Variants in DNAH6 observed in about 807,000 individuals in gnomAD.
DNAH6 encodes the protein dynein axonemal heavy chain 6.
A neutral mutation model predicts 491.4 loss-of-function variants in DNAH6; 340 were observed. The observed-to-expected ratio is 0.69, with a 90% confidence interval of 0.63 to 0.76. DNAH6 has a LOEUF of 0.76. DNAH6 is among the 30% of genes least tolerant of loss of function. The pLI is 0.00. For missense variants in DNAH6, 4,443 were observed against 4,972.2 expected (o/e 0.89, Z 3.20); for synonymous variants, 1,603 against 1,686.1 (o/e 0.95, Z 1.21).
At chr2:84,622,989 G>A (rs1217527403) in intron 26 of DNAH6, among the ~76,000 whole-genome samples, 1 of 151,976 alleles carries the variant, frequency 6.6e-6, no homozygotes, top group Non-Finnish European at 1.5e-5. Flanking sequence ...TCTGATAAAT[G>A]TCTATTCTCT....
chr2:84,481,174 G>T, the DNAH6 span, among the ~76,000 whole-genome samples: 1 of 152,154 alleles, frequency 6.6e-6, no homozygotes, highest in Non-Finnish European at 1.5e-5. Context: ...ATGCCAGGCA[G>T]ATAGCTCCAT....
chr2:84,808,131 A>ATGTGTGTGTGTGTGTGTG (rs35839006), intron 71 of DNAH6, among the ~76,000 whole-genome samples: 1 of 141,152 alleles, frequency 7.1e-6, no homozygotes, highest in Admixed American at 7.0e-5. Flanking sequence ...GTGTATATAT[A>ATGTGTGTGTGTGTGTGTG]TGTGTGTGTG....
rs377428384 is a variant in DNAH6 at position 84,720,697 on chromosome 2, A to G, written c.9793-1928A>G. On this transcript the variant is annotated intron_variant, in intron 59 of 76. Coordinates refer to ENST00000389394, the MANE Select transcript of DNAH6 (RefSeq NM_001370.2). ...TCCATTTTTCTGGGTCTGCTAAGTC[A>G]TTGCCACCCTTCTGTCTGCTTTCGA... 6.2e-4 allele frequency among the ~76,000 whole-genome samples: 94 copies of G among 152,220 alleles called. 1 individual carries two copies. The highest frequency in any genetic ancestry group is 2.2e-3 in the African/African-American group (91 of 41,516).
At chr2:84,502,184 G>A in the DNAH6 span, among the ~76,000 whole-genome samples, 14 of 151,896 alleles carry the variant, frequency 9.2e-5, no homozygotes, top group Non-Finnish European at 1.3e-4. Context: ...TCTTGGTACC[G>A]CTTTTGCTGT....
intron 13 of DNAH6, among the ~76,000 whole-genome samples, 153 bp downstream of exon 13, chr2:84,577,561 A>G (rs72939185): frequency 0.011 from 1,681 of 152,274 alleles, 28 homozygotes; most frequent in African/African-American, 0.037. Flanking sequence ...GAAAAGCTCT[A>G]TAGTCTTTTT....
intron 63 of DNAH6, among the ~76,000 whole-genome samples, chr2:84,757,796 T>C (rs936527674): frequency 6.6e-6 from 1 of 152,166 alleles, no homozygotes; most frequent in South Asian, 2.1e-4. Context: ...GTACAGCCCC[T>C]TCTTCCACCT....
In DNAH6 at chr2:84,681,435, G is replaced by T; in HGVS notation, c.6823G>T (p.Glu2275Ter). The T allele has an allele frequency of 1.3e-6, 2 of 1,551,520 alleles. No homozygotes were observed. Among genetic ancestry groups the T allele is most frequent in the Non-Finnish European group, 1.7e-6 (2 of 1,146,884 alleles). ...TASSIVEASV[E>*]IYNKMSVDLL... ...ATCAAGCATTGTAGAAGCCTCAGTT[G>T]AGATTTATAACAAAATGAGTGTTGA... The change falls in exon 42 of 77, where the codon GAG becomes TAG. Residue 2275 changes from glutamate to a stop codon, truncating the protein, a stop_gained. Coordinates refer to ENST00000389394, the MANE Select transcript of DNAH6 (RefSeq NM_001370.2). LOFTEE classifies it high-confidence loss of function.
intron 30 of DNAH6, among the ~76,000 whole-genome samples, chr2:84,636,873 A>G (rs765832806): frequency 6.6e-5 from 10 of 150,604 alleles, no homozygotes; most frequent in Non-Finnish European, 1.5e-4. Context: ...CCAACCTGGG[A>G]GATAAAGCAA....
intron 8 of DNAH6, 24 bp from the exon 9 acceptor site, chr2:84,549,865 G>A (rs1271948209): frequency 6.4e-7 from 1 of 1,566,678 alleles, no homozygotes; most frequent in South Asian, 1.2e-5. Context: ...AACCGAAATT[G>A]TATTAGTTTT....
intron 4 of DNAH6, among the ~76,000 whole-genome samples, chr2:84,543,965 T>C (rs1678511405): frequency 6.6e-6 from 1 of 152,142 alleles, no homozygotes; most frequent in Admixed American, 6.5e-5. Flanking sequence ...TAATTTATAG[T>C]CAATTCATTT....
the DNAH6 span, among the ~76,000 whole-genome samples, chr2:84,498,512 A>C: frequency 3.4e-3 from 525 of 152,298 alleles, 1 homozygote; most frequent in African/African-American, 0.011. Flanking sequence ...TAAAAAAAAA[A>C]AAATTTGAGA....
chr2:84,699,846 C>T (rs929147975), intron 48 of DNAH6, 112 bp downstream of exon 48: 1 of 1,037,092 alleles, frequency 9.6e-7, no homozygotes, highest in Non-Finnish European at 1.3e-6. Context: ...TTAAAGCCTA[C>T]TAGGAATTTA....
At chr2:84,497,117 C>T in the DNAH6 span, among the ~76,000 whole-genome samples, 8 of 151,910 alleles carry the variant, frequency 5.3e-5, no homozygotes, top group African/African-American at 7.3e-5. Context: ...ACTATAGGTG[C>T]GCACCACCAT....
intron 49 of DNAH6, among the ~76,000 whole-genome samples, chr2:84,702,252 AG>A (rs1695982472): frequency 6.6e-6 from 1 of 152,212 alleles, no homozygotes; most frequent in Non-Finnish European, 1.5e-5. Context: ...TAAGGCTAAA[AG>A]AAAATCTGTA....
the DNAH6 span, among the ~76,000 whole-genome samples, chr2:84,477,528 C>T: frequency 7.1e-3 from 1,078 of 152,312 alleles, 10 homozygotes; most frequent in Non-Finnish European, 0.012. Flanking sequence ...CAAGTACATG[C>T]TGGGGTAGTG....
At chr2:84,592,729 A>G (rs1573137863) in intron 16 of DNAH6, among the ~76,000 whole-genome samples, 1 of 152,242 alleles carries the variant, frequency 6.6e-6, no homozygotes, top group East Asian at 1.9e-4. Flanking sequence ...TGGTATCTAC[A>G]TAAAATAGAA....
chr2:84,718,848 A>G (rs1055771230), intron 59 of DNAH6, among the ~76,000 whole-genome samples: 5 of 152,348 alleles, frequency 3.3e-5, no homozygotes, highest in African/African-American at 9.6e-5. Context: ...GTTAAGTTCT[A>G]TGCAGTGGGA....
intron 63 of DNAH6, among the ~76,000 whole-genome samples, chr2:84,750,188 TGG>T (rs1673330086): frequency 6.7e-6 from 1 of 150,364 alleles, no homozygotes. Flanking sequence ...TTGTTTGGTT[TGG>T]TTTTTTTTTT....
At position 84,762,934 on chromosome 2, in the gene DNAH6, A is replaced by T; in HGVS notation, c.10692A>T (p.Gly3564=). The T allele has an allele frequency of 6.4e-7, 1 of 1,550,884 alleles. No homozygotes were observed. The highest frequency in any genetic ancestry group is 8.7e-7 in the Non-Finnish European group (1 of 1,146,362). Reference sequence around the variant, plus strand: ...TTCAGAGGTTTGCCAGGGAAAGTGGATATTCAGAACGGTAAGTTCATGTTG... The same window carrying T: ...TTCAGAGGTTTGCCAGGGAAAGTGGTTATTCAGAACGGTAAGTTCATGTTG... ...GAFQRFARES[G]YSERVQSISL... is the part of the protein sequence containing the mutation. The change falls in exon 64 of 77, where the codon GGA becomes GGT. Residue 3564 remains glycine, a synonymous_variant. Coordinates refer to ENST00000389394, the MANE Select transcript of DNAH6 (RefSeq NM_001370.2).
Sources: gnomAD v4.1 joint callset for allele counts (sites outside exome capture counted in the v4.1 genomes callset) on GRCh38, gnomAD v4.1.1 for gene constraint, MANE v1.5 for transcripts, NCBI Gene and HGNC (gene_info 2026-07-23, HGNC 2026-07-21) for gene names.